SYNPR: variants seen among roughly 807,000 people sequenced by gnomAD.
SYNPR encodes the protein synaptoporin.
SYNPR carries 23 observed loss-of-function variants against 32.9 expected under a neutral mutation model. That is an observed-to-expected ratio of 0.70 (90% confidence interval 0.50 to 0.99). The LOEUF (loss-of-function observed/expected upper bound fraction) is 0.99, where lower values mean the gene tolerates loss of function less well. Ranked by LOEUF, SYNPR falls within the 50% of genes least tolerant of loss-of-function variation. The probability of loss-of-function intolerance (pLI) is 0.00; values close to 1 mark genes in which losing one functional copy is unlikely to be tolerated. For synonymous variants in SYNPR, 146 were observed against 135.9 expected (o/e 1.07, Z -0.52); for missense variants, 318 against 349.3 (o/e 0.91, Z 0.71).
intron 2 of SYNPR, among the ~76,000 whole-genome samples, chr3:63,326,154 C>A (rs1012262084): frequency 5.9e-5 from 9 of 152,016 alleles, no homozygotes; most frequent in African/African-American, 1.9e-4. Context: ...TTGATCTTCA[C>A]AGCACCTCTT....
chr3:63,258,420 C>T (rs2086407257), intron 2 of SYNPR, among the ~76,000 whole-genome samples: 1 of 152,204 alleles, frequency 6.6e-6, no homozygotes, highest in African/African-American at 2.4e-5. Flanking sequence ...AAGAAACTCA[C>T]TCAAAACCAC....
At chr3:63,260,329 G>A (rs1422961780) in intron 2 of SYNPR, among the ~76,000 whole-genome samples, 1 of 152,070 alleles carries the variant, frequency 6.6e-6, no homozygotes, top group African/African-American at 2.4e-5. Flanking sequence ...TATACTACAA[G>A]GCCACAGTAA....
At chr3:63,372,211 A>T (rs1289847864) in intron 2 of SYNPR, among the ~76,000 whole-genome samples, 1 of 151,974 alleles carries the variant, frequency 6.6e-6, no homozygotes, top group African/African-American at 2.4e-5. Context: ...TATGTCCAGC[A>T]TGACACAGTC....
chr3:63,439,733 G>A (rs1700137177), intron 2 of SYNPR, among the ~76,000 whole-genome samples: 1 of 152,200 alleles, frequency 6.6e-6, no homozygotes, highest in Non-Finnish European at 1.5e-5. Context: ...TGAATGAAGA[G>A]GTAAAAATAA....
Position 63,339,118 on chromosome 3 carries a change from C to T in SYNPR, c.84+60376C>T, listed in dbSNP as rs185315815. ...GGTGCTTTGATATTGCTTGGTAAAG[C>T]GCTGTTTAATAAATGAATGAATGAA... On this transcript the variant is annotated intron_variant, in intron 2 of 5. Transcript: ENST00000478300. Among the ~76,000 whole-genome samples, 44 of 152,250 alleles carry T rather than the reference C, an allele frequency of 2.9e-4. 1 individual carries two copies. Among genetic ancestry groups the T allele is most frequent in the Admixed American group, 1.8e-3 (27 of 15,296 alleles).
chr3:63,492,041 C>T lies in SYNPR; in HGVS notation c.209+11085C>T, dbSNP rs143486348. ...AAGCTGAGAATATGGTGAGAGGAGGCGTCTAGTGAGTTCAGGAACCAAGGA... is the reference window on the plus strand; with the variant it reads ...AAGCTGAGAATATGGTGAGAGGAGGTGTCTAGTGAGTTCAGGAACCAAGGA... On this transcript the variant is annotated intron_variant, in intron 3 of 5. Coordinates refer to ENST00000478300, the MANE Select transcript of SYNPR (RefSeq NM_001130003.2). Among the ~76,000 whole-genome samples the T allele has an allele frequency of 3.6e-3, 555 of 152,138 alleles. 5 individuals are homozygous for T. The highest frequency in any genetic ancestry group is 0.013 in the African/African-American group (529 of 41,512).
At chr3:63,586,468 T>C (rs1703186929) in intron 4 of SYNPR, among the ~76,000 whole-genome samples, 1 of 151,716 alleles carries the variant, frequency 6.6e-6, no homozygotes, top group Non-Finnish European at 1.5e-5. Context: ...AAAGAAAAAA[T>C]AATAAAAACA....
intron 3 of SYNPR, among the ~76,000 whole-genome samples, chr3:63,537,960 A>G (rs1702237891): frequency 6.6e-6 from 1 of 152,104 alleles, no homozygotes; most frequent in African/African-American, 2.4e-5. Context: ...TAAACCTGAG[A>G]AAGTTAAGAG....
chr3:63,500,677 C>G, intron 3 of SYNPR, among the ~76,000 whole-genome samples: 1 of 152,104 alleles, frequency 6.6e-6, no homozygotes, highest in East Asian at 1.9e-4. Flanking sequence ...AAGCTATGTT[C>G]CCAGGATGTT....
intron 2 of SYNPR, among the ~76,000 whole-genome samples, chr3:63,371,603 C>G (rs1188951402): frequency 1.3e-5 from 2 of 152,228 alleles, no homozygotes; most frequent in African/African-American, 4.8e-5. Context: ...TGCTGCTGCC[C>G]TCAGGTTCTA....
chr3:63,615,287 G>A lies in SYNPR; in HGVS notation c.664G>A (p.Gly222Ser), dbSNP rs762628114. 2.4e-5 allele frequency: 39 copies of A among 1,613,608 alleles called. No individual in the cohort carries two copies. Among genetic ancestry groups the A allele is most frequent in the East Asian group, 8.9e-5 (4 of 44,884 alleles). ...CATATGGTTTGTTTTCAAGGAGACCGGCTGGCATTCTTCGGGACAGAGATA... is the reference window on the plus strand; with the variant it reads ...CATATGGTTTGTTTTCAAGGAGACCAGCTGGCATTCTTCGGGACAGAGATA... ...GNIWFVFKET[G>S]WHSSGQRYLS... Residue 222 changes from glycine (G) to serine (S), a missense_variant, in exon 6 of 6, where the codon GGC becomes AGC. Gly to Ser is a moderately conservative substitution (Grantham distance 56, BLOSUM62 0). Transcript: ENST00000478300.
intron 2 of SYNPR, among the ~76,000 whole-genome samples, chr3:63,372,398 C>T (rs1027252763): frequency 6.6e-6 from 1 of 152,144 alleles, no homozygotes; most frequent in Non-Finnish European, 1.5e-5. Context: ...CTGAAAGCCC[C>T]TCTGCCACTG....
At chr3:63,561,896 T>A (rs150908596) in intron 4 of SYNPR, among the ~76,000 whole-genome samples, 2 of 152,326 alleles carry the variant, frequency 1.3e-5, no homozygotes, top group African/African-American at 4.8e-5. Context: ...TGAATATGTA[T>A]GACAAGATTG....
At chr3:63,288,204 A>G (rs984126809) in intron 2 of SYNPR, among the ~76,000 whole-genome samples, 1 of 152,244 alleles carries the variant, frequency 6.6e-6, no homozygotes, top group Admixed American at 6.5e-5. Flanking sequence ...TCAAATGCCC[A>G]CTGCTATCCT....
chr3:63,578,591 C>T (rs1159344062), intron 4 of SYNPR, among the ~76,000 whole-genome samples: 1 of 152,106 alleles, frequency 6.6e-6, no homozygotes, highest in African/African-American at 2.4e-5. Flanking sequence ...TCAAAGACAA[C>T]TTTCATGAAC....
At chr3:63,438,434 C>G (rs1478016631) in intron 2 of SYNPR, among the ~76,000 whole-genome samples, 6 of 152,148 alleles carry the variant, frequency 3.9e-5, no homozygotes, top group African/African-American at 1.4e-4. Context: ...CCTTGCCTAC[C>G]TTATGCTCCA....
intron 2 of SYNPR, among the ~76,000 whole-genome samples, chr3:63,340,998 T>C (rs2087362068): frequency 1.3e-5 from 2 of 152,206 alleles, no homozygotes; most frequent in Admixed American, 1.3e-4. Flanking sequence ...CAGAATAGTT[T>C]AATCCCCCTA....
At chr3:63,348,302 T>C (rs764802824) in intron 2 of SYNPR, among the ~76,000 whole-genome samples, 1 of 152,212 alleles carries the variant, frequency 6.6e-6, no homozygotes, top group Non-Finnish European at 1.5e-5. Flanking sequence ...TTTTTTCATA[T>C]GCTTGTTGAC....
chr3:63,368,422 T>C (rs192993987), intron 2 of SYNPR, among the ~76,000 whole-genome samples: 63 of 152,074 alleles, frequency 4.1e-4, no homozygotes, highest in African/African-American at 1.0e-3. Context: ...GTTGAGAAAA[T>C]TGAAGATGAA....
Sources: gnomAD v4.1 joint callset for allele counts (sites outside exome capture counted in the v4.1 genomes callset) on GRCh38, gnomAD v4.1.1 for gene constraint, MANE v1.5 for transcripts, NCBI Gene and HGNC (gene_info 2026-07-23, HGNC 2026-07-21) for gene names.